The following STK32B variants were observed in gnomAD, a reference collection of about 807,000 sequenced individuals.
STK32B encodes serine/threonine kinase 32B, also known as serine/threonine-protein kinase 32B.
A neutral mutation model predicts 52.6 loss-of-function variants in STK32B; 43 were observed. The ratio of observed to expected loss-of-function variants is 0.82; its 90% confidence interval spans 0.64 to 1.05. The LOEUF (loss-of-function observed/expected upper bound fraction) is 1.05, where lower values mean the gene tolerates loss of function less well. Among genes scored for constraint, STK32B ranks in the 50% least tolerant of loss-of-function variants. The pLI, the probability that STK32B is intolerant of heterozygous loss-of-function variation, is 0.00. For missense variants in STK32B, 621 were observed against 534.6 expected (o/e 1.16, Z -1.59); for synonymous variants, 238 against 204.3 (o/e 1.17, Z -1.41).
intron 4 of STK32B, among the ~76,000 whole-genome samples, chr4:5,369,156 T>C (rs542348593): frequency 2.4e-4 from 36 of 151,800 alleles, no homozygotes; most frequent in African/African-American, 8.7e-4. Flanking sequence ...TCGCCTCTCC[T>C]CCCACTCTTC....
intron 3 of STK32B, among the ~76,000 whole-genome samples, chr4:5,269,945 G>A (rs968192189): frequency 6.6e-6 from 1 of 152,054 alleles, no homozygotes; most frequent in African/African-American, 2.4e-5. Flanking sequence ...ATTTAAGGTT[G>A]GTTTAACATT....
chr4:5,102,803 A>G (rs1282233030), intron 1 of STK32B, among the ~76,000 whole-genome samples: 1 of 143,992 alleles, frequency 6.9e-6, no homozygotes, highest in South Asian at 2.4e-4. Flanking sequence ...TCAGCCTCCC[A>G]AAGTGCTGGG....
intron 2 of STK32B, among the ~76,000 whole-genome samples, chr4:5,147,914 C>T (rs1427799160): frequency 1.3e-5 from 2 of 151,784 alleles, no homozygotes; most frequent in African/African-American, 2.4e-5. Flanking sequence ...TTATAGTAGT[C>T]TCAAAAATGA....
chr4:5,243,842 G>A (rs1297297209), intron 3 of STK32B, among the ~76,000 whole-genome samples: 1 of 152,002 alleles, frequency 6.6e-6, no homozygotes, highest in African/African-American at 2.4e-5. Flanking sequence ...ATAATCATGT[G>A]GTTTTTGTCT....
rs1736856757 is a variant in STK32B at position 5,395,892 on chromosome 4, G to A, written c.435-2315G>A. ...GGCTCTGTGGGGTCTAGGGACCAAG[G>A]TGGCCACATCCGTGCCCCATTCTGT... On this transcript the variant is annotated intron_variant, in intron 4 of 11. Coordinates refer to ENST00000282908, the MANE Select transcript of STK32B (RefSeq NM_018401.3). This position sits in a 1 kb window ranked among gnomAD's most constrained non-coding sequence, Gnocchi z 4.4. Among the ~76,000 whole-genome samples the A allele has an allele frequency of 6.6e-6, 1 of 152,196 alleles. No individual in the cohort carries two copies. Among genetic ancestry groups the A allele is most frequent in the Non-Finnish European group, 1.5e-5 (1 of 68,034 alleles).
chr4:5,449,409 A>C (rs1715773479), intron 7 of STK32B, among the ~76,000 whole-genome samples: 1 of 152,218 alleles, frequency 6.6e-6, no homozygotes, highest in African/African-American at 2.4e-5. Context: ...GAATGCATTG[A>C]AAATAATGGG....
intron 5 of STK32B, among the ~76,000 whole-genome samples, chr4:5,411,718 A>C (rs1711703449): frequency 6.6e-6 from 1 of 152,162 alleles, no homozygotes; most frequent in Non-Finnish European, 1.5e-5. Flanking sequence ...CAACATATGA[A>C]TTTTGACAAA....
At chr4:5,307,784 G>T (rs775023011) in intron 3 of STK32B, among the ~76,000 whole-genome samples, 1 of 151,882 alleles carries the variant, frequency 6.6e-6, no homozygotes, top group Admixed American at 6.6e-5. Flanking sequence ...AGGACTCAAG[G>T]GCTGCCATTC....
At chr4:5,392,076 C>G (rs964643773) in intron 4 of STK32B, among the ~76,000 whole-genome samples, 19 of 152,280 alleles carry the variant, frequency 1.2e-4, no homozygotes, top group Admixed American at 3.9e-4. Flanking sequence ...AAAAGAAATG[C>G]AATCTTGCAT....
At chr4:5,203,841 C>T (rs1560222744) in intron 3 of STK32B, among the ~76,000 whole-genome samples, 1 of 152,218 alleles carries the variant, frequency 6.6e-6, no homozygotes, top group Admixed American at 6.5e-5. Flanking sequence ...GGGGCCCGCC[C>T]TTGCACTCCT....
At chr4:5,214,105 C>T (rs1284057743) in intron 3 of STK32B, 4 of 152,038 alleles carry the variant, frequency 2.6e-5, no homozygotes, top group Admixed American at 6.6e-5. Context: ...TTGTAATTCT[C>T]ATGTTGGGGG....
intron 3 of STK32B, among the ~76,000 whole-genome samples, chr4:5,272,239 T>G (rs1441673342): frequency 6.8e-6 from 1 of 146,118 alleles, no homozygotes; most frequent in Admixed American, 6.8e-5. Flanking sequence ...TGTCAAAGGC[T>G]TTTTCTGCAT....
At chr4:5,031,382 A>G in the STK32B span, among the ~76,000 whole-genome samples, 1 of 152,024 alleles carries the variant, frequency 6.6e-6, no homozygotes, top group South Asian at 2.1e-4. Flanking sequence ...GGATGACTTT[A>G]TTTAGAGGGT....
chr4:5,456,238 G>A (rs552992289), intron 7 of STK32B, among the ~76,000 whole-genome samples: 128 of 152,366 alleles, frequency 8.4e-4, no homozygotes, highest in African/African-American at 3.0e-3. Context: ...GAAACTGGGG[G>A]AGAGCAGAGC....
At position 5,242,896 on chromosome 4, in the gene STK32B, G is replaced by A. The variant is rs181280173; in HGVS notation, c.260+74446G>A. On this transcript the variant is annotated intron_variant, in intron 3 of 11. Transcript: ENST00000282908. Reference sequence around the variant, plus strand: ...AAAGATCAGATGGTTGTAGGTATGCGGCATTATTTCTGAGGCCTCTGTTGT... The same window carrying A: ...AAAGATCAGATGGTTGTAGGTATGCAGCATTATTTCTGAGGCCTCTGTTGT... Among the ~76,000 whole-genome samples, 105 of 152,190 alleles carry A rather than the reference G, an allele frequency of 6.9e-4. 4 individuals are homozygous for A. The East Asian group carries it at 0.012, about 17-fold the overall frequency.
chr4:5,464,492 C>T (rs185807490), intron 9 of STK32B, among the ~76,000 whole-genome samples: 80 of 152,294 alleles, frequency 5.3e-4, no homozygotes, highest in African/African-American at 1.6e-3. Context: ...GTGAGGGCCG[C>T]GAAGTGTTGG....
At chr4:5,389,826 A>G (rs866853009) in intron 4 of STK32B, among the ~76,000 whole-genome samples, 13 of 152,356 alleles carry the variant, frequency 8.5e-5, no homozygotes, top group Middle Eastern at 3.4e-3. Context: ...GTAAGGATCA[A>G]GATGTGGGAA....
intron 3 of STK32B, among the ~76,000 whole-genome samples, chr4:5,199,652 C>G (rs1041756049): frequency 2.6e-5 from 4 of 152,322 alleles, no homozygotes; most frequent in African/African-American, 9.6e-5. Flanking sequence ...TAGTTAACCT[C>G]ACTTTGTGCT....
chr4:5,254,371 A>T (rs539481218), intron 3 of STK32B, among the ~76,000 whole-genome samples: 15 of 147,006 alleles, frequency 1.0e-4, no homozygotes, highest in African/African-American at 4.0e-4. Flanking sequence ...TATATTGTTT[A>T]TTTGTTTTTA....
Sources: gnomAD v4.1 joint callset for allele counts (sites outside exome capture counted in the v4.1 genomes callset) on GRCh38, gnomAD v4.1.1 for gene constraint, Gnocchi (gnomAD v3.1) non-coding constraint, MANE v1.5 for transcripts, NCBI Gene and HGNC (gene_info 2026-07-23, HGNC 2026-07-21) for gene names.